Variants in PRRG1 observed in about 807,000 individuals in gnomAD.
The protein encoded by PRRG1 is proline rich and Gla domain 1.
PRRG1 carries 5 observed loss-of-function variants against 11.8 expected under a neutral mutation model. That is an observed-to-expected ratio of 0.42 (90% confidence interval 0.22 to 0.89). PRRG1 has a LOEUF of 0.89. PRRG1 is among the 40% of genes least tolerant of loss of function. PRRG1 has a pLI of 0.28. For missense variants in PRRG1, 155 were observed against 166.1 expected (o/e 0.93, Z 0.37); for synonymous variants, 66 against 60.4 (o/e 1.09, Z -0.43).
intron 3 of PRRG1, among the ~76,000 whole-genome samples, chrX:37,440,086 C>T (rs1932948202): frequency 9.0e-6 from 1 of 111,328 alleles, no homozygotes; most frequent in African/African-American, 3.3e-5. Flanking sequence ...AGGCAGGAGC[C>T]ACCGTGCCTG....
intron 1 of PRRG1, among the ~76,000 whole-genome samples, chrX:37,392,814 A>G (rs1277885527): frequency 1.8e-5 from 2 of 111,482 alleles, no homozygotes; most frequent in African/African-American, 6.5e-5. Context: ...ACCACTATTT[A>G]TCACTGTTTT....
At position 37,453,384 on chromosome X, in the gene PRRG1, C is replaced by T. The variant is rs1921228952; in HGVS notation, c.420C>T (p.Asp140=). 3 of 1,205,655 alleles carry T rather than the reference C, an allele frequency of 2.5e-6. No individual in the cohort carries two copies. Among genetic ancestry groups the T allele is most frequent in the Non-Finnish European group, 3.4e-6 (3 of 891,890 alleles). ...TPPPPPDEVF[D]SSGLSPGFLG... is the part of the protein sequence containing the mutation. ...CCCCCCCACCAGATGAAGTGTTTGA[C>T]AGCAGTGGATTGTCTCCAGGCTTTC... Residue 140 remains aspartate, a synonymous_variant, in exon 4 of 4, where the codon GAC becomes GAT. Transcript: ENST00000378628.
chrX:37,432,609 C>A (rs1292999460), intron 3 of PRRG1, among the ~76,000 whole-genome samples: 1 of 111,764 alleles, frequency 8.9e-6, no homozygotes, highest in Non-Finnish European at 1.9e-5. Context: ...AGCCTACATG[C>A]CCCAGAAAGA....
chrX:37,390,079 A>G (rs782305044), intron 1 of PRRG1, among the ~76,000 whole-genome samples: 1 of 111,941 alleles, frequency 8.9e-6, no homozygotes, highest in South Asian at 3.8e-4. Flanking sequence ...AGATGACAGC[A>G]GATTTAGTGT....
chrX:37,414,447 T>C (rs781836124), intron 2 of PRRG1, among the ~76,000 whole-genome samples: 1 of 112,053 alleles, frequency 8.9e-6, no homozygotes, highest in Non-Finnish European at 1.9e-5. Context: ...AACCTATAGA[T>C]TTCAGTGTAG....
chrX:37,407,950 T>A (rs1932230123), intron 2 of PRRG1, among the ~76,000 whole-genome samples: 1 of 112,192 alleles, frequency 8.9e-6, no homozygotes, highest in Non-Finnish European at 1.9e-5. Flanking sequence ...TTGTTCCTGT[T>A]TTCTCCAGAG....
At chrX:37,396,214 C>T (rs1465406846) in intron 1 of PRRG1, among the ~76,000 whole-genome samples, 3 of 112,567 alleles carry the variant, frequency 2.7e-5, no homozygotes, top group African/African-American at 9.7e-5. Flanking sequence ...AAAGTCTTAA[C>T]TTACAATTTT....
At position 37,454,403 on chromosome X, in the gene PRRG1, A is replaced by G. The variant is rs1556397771; in HGVS notation, c.*782A>G. On this transcript the variant is annotated 3_prime_UTR_variant, in exon 4 of 4. Coordinates refer to ENST00000378628, the MANE Select transcript of PRRG1 (RefSeq NM_001142395.2). ...TGATGAGACAGATTTCCAGGCAACAAAATAATTTCTAAAATGGATATATGT... is the reference window on the plus strand; with the variant it reads ...TGATGAGACAGATTTCCAGGCAACAGAATAATTTCTAAAATGGATATATGT... The G allele has an allele frequency of 1.8e-5, 2 of 111,519 alleles. No homozygotes were observed. The highest frequency in any genetic ancestry group is 2.8e-4 in the East Asian group (1 of 3,570). The allele number at this position is 111,519 out of a possible 1,213,427, so 9.2% of individuals were successfully genotyped here. A position where few individuals can be genotyped will look rare whatever the true frequency, so the allele number is the denominator to read the frequency against.
chrX:37,443,218 C>G (rs1292578147), intron 3 of PRRG1, among the ~76,000 whole-genome samples: 1 of 111,268 alleles, frequency 9.0e-6, no homozygotes, highest in Non-Finnish European at 1.9e-5. Context: ...AAGGTGAGGA[C>G]TGGGAGATGG....
At chrX:37,376,788 G>A (rs1930976589) in intron 1 of PRRG1, among the ~76,000 whole-genome samples, 1 of 106,017 alleles carries the variant, frequency 9.4e-6, no homozygotes, top group South Asian at 4.3e-4. Context: ...AGGGGAGGGA[G>A]ACATTGTGGA....
intron 1 of PRRG1, among the ~76,000 whole-genome samples, chrX:37,403,559 G>A (rs1260719332): frequency 3.8e-5 from 4 of 106,482 alleles, no homozygotes; most frequent in South Asian, 4.3e-4. Flanking sequence ...CAGCACACCA[G>A]CATGGCACAT....
intron 3 of PRRG1, among the ~76,000 whole-genome samples, chrX:37,452,415 TC>T (rs1921175897): frequency 8.9e-6 from 1 of 111,889 alleles, no homozygotes; most frequent in African/African-American, 3.2e-5. Context: ...GGGTCAAGTT[TC>T]CTTTTTATCT....
In PRRG1 at chrX:37,426,014, C is replaced by A. The variant is rs1932768145; in HGVS notation, c.171+14C>A. On this transcript the variant is annotated intron_variant, in intron 3 of 3. Coordinates refer to ENST00000378628, the MANE Select transcript of PRRG1 (RefSeq NM_001142395.2). Reference sequence around the variant, plus strand: ...AATGAAAAAACTGTAAGTATGTTGGCAATTAAAAAGTTGCACAGATTTGCC... The same window carrying A: ...AATGAAAAAACTGTAAGTATGTTGGAAATTAAAAAGTTGCACAGATTTGCC... 1.7e-6 allele frequency: 2 copies of A among 1,157,631 alleles called. No homozygotes were observed. The highest frequency in any genetic ancestry group is 1.1e-6 in the Non-Finnish European group (1 of 870,066).
At chrX:37,384,191 TA>T (rs1339097071) in intron 1 of PRRG1, among the ~76,000 whole-genome samples, 5 of 111,631 alleles carry the variant, frequency 4.5e-5, no homozygotes, top group African/African-American at 1.6e-4. Flanking sequence ...GTTTGCAGAA[TA>T]TTTACTGTTT....
Position 37,453,800 on chromosome X carries a change from C to T in PRRG1, c.*179C>T, listed in dbSNP as rs1921249562. ...TTGTTATAGAATCATTATCCATGCT[C>T]ATTTTTGCTAGGGGAAATATATGAA... On this transcript the variant is annotated 3_prime_UTR_variant, in exon 4 of 4. Coordinates refer to ENST00000378628, the MANE Select transcript of PRRG1 (RefSeq NM_001142395.2). 3.9e-6 allele frequency: 2 copies of T among 511,891 alleles called. No individual in the cohort carries two copies. The highest frequency in any genetic ancestry group is 4.1e-5 in the East Asian group (1 of 24,615). The allele number at this position is 511,891 out of a possible 1,213,427, so 42.2% of individuals were successfully genotyped here.
At chrX:37,384,021 GAA>G (rs368250820) in intron 1 of PRRG1, among the ~76,000 whole-genome samples, 2 of 92,548 alleles carry the variant, frequency 2.2e-5, no homozygotes, top group African/African-American at 3.8e-5. Context: ...ACTCATAAAA[GAA>G]AAAAAAAAAA....
chrX:37,351,386 T>C (rs1474958586), intron 1 of PRRG1, among the ~76,000 whole-genome samples: 2 of 108,554 alleles, frequency 1.8e-5, no homozygotes, highest in Non-Finnish European at 3.8e-5. Flanking sequence ...TCCCAGCTAC[T>C]AGGGAGACTG....
In PRRG1 at chrX:37,396,708, T is replaced by C. The variant is rs367632967; in HGVS notation, c.-41-9501T>C. ...GACTAATACAATACTGAGAGTATCA[T>C]GTATAACATTGTTACTGAATTGTAA... On this transcript the variant is annotated intron_variant, in intron 1 of 3. Transcript: ENST00000378628. Among the ~76,000 whole-genome samples, 70 of 111,316 alleles carry C rather than the reference T, an allele frequency of 6.3e-4. No individual in the cohort carries two copies. The South Asian group carries it at 0.016, about 25-fold the overall frequency.
chrX:37,445,729 A>T (rs1161927782), intron 3 of PRRG1, among the ~76,000 whole-genome samples: 1 of 112,628 alleles, frequency 8.9e-6, no homozygotes, highest in Non-Finnish European at 1.9e-5. Flanking sequence ...TCATTTGGCA[A>T]CCTATTTGTT....
Sources: allele counts gnomAD v4.1 joint callset (sites outside exome capture counted in the v4.1 genomes callset), GRCh38; gene constraint gnomAD v4.1.1; transcripts MANE v1.5; gene names NCBI Gene and HGNC (gene_info 2026-07-23, HGNC 2026-07-21).